The following LOC128462377 variants were observed in gnomAD, a reference collection of about 807,000 sequenced individuals.
chr16:89,357,074 C>T, the LOC128462377 span, among the ~76,000 whole-genome samples: 1 of 152,192 alleles, frequency 6.6e-6, no homozygotes, highest in Non-Finnish European at 1.5e-5. Flanking sequence ...ACAGAATAGC[C>T]AAAGGGCAGT....
chr16:89,411,666 A>T, the LOC128462377 span, among the ~76,000 whole-genome samples: 1 of 152,142 alleles, frequency 6.6e-6, no homozygotes, highest in Non-Finnish European at 1.5e-5. Flanking sequence ...CTCCCACCTC[A>T]GCCTCCCAGA....
At chr16:89,326,405 C>T in the LOC128462377 span, among the ~76,000 whole-genome samples, 1 of 150,596 alleles carries the variant, frequency 6.6e-6, no homozygotes, top group African/African-American at 2.4e-5. Context: ...GCAGAAGGTG[C>T]ACACCACTCA....
At chr16:89,325,677 G>A in the LOC128462377 span, among the ~76,000 whole-genome samples, 3 of 152,216 alleles carry the variant, frequency 2.0e-5, no homozygotes, top group Non-Finnish European at 4.4e-5. Context: ...CTGCGGAGGC[G>A]TTTGCTTTGT....
the LOC128462377 span, among the ~76,000 whole-genome samples, chr16:89,394,613 A>T: frequency 1.4e-5 from 2 of 147,530 alleles, no homozygotes; most frequent in Admixed American, 1.4e-4. Context: ...GGGCGACAAA[A>T]GCAAAACTCT....
chr16:89,388,932 A>T, the LOC128462377 span, among the ~76,000 whole-genome samples: 3 of 152,284 alleles, frequency 2.0e-5, no homozygotes. Flanking sequence ...TGGATCCCAG[A>T]ACAAAGCCCA....
the LOC128462377 span, among the ~76,000 whole-genome samples, chr16:89,359,268 G>A: frequency 4.6e-5 from 7 of 152,182 alleles, no homozygotes; most frequent in African/African-American, 1.4e-4. Context: ...CAAACTGCTT[G>A]AGTATGCTTC....
the LOC128462377 span, among the ~76,000 whole-genome samples, chr16:89,356,651 G>A: frequency 1.3e-5 from 2 of 151,232 alleles, no homozygotes; most frequent in African/African-American, 4.9e-5. Context: ...CGTGGTGGTG[G>A]GTGCCTGTAG....
the LOC128462377 span, among the ~76,000 whole-genome samples, chr16:89,369,647 G>T: frequency 1.3e-5 from 2 of 152,172 alleles, no homozygotes; most frequent in Non-Finnish European, 2.9e-5. Context: ...AACCAGGGGG[G>T]TCCTTGTGGT....
At chr16:89,388,293 A>ATTTTTTTGTTTTTTTTTT in the LOC128462377 span, among the ~76,000 whole-genome samples, 1 of 85,266 alleles carries the variant, frequency 1.2e-5, no homozygotes, top group Non-Finnish European at 2.3e-5. Flanking sequence ...CATGAGGCTG[A>ATTTTTTTGTTTTTTTTTT]TTTTTTTTTT....
the LOC128462377 span, among the ~76,000 whole-genome samples, chr16:89,380,127 T>A: frequency 6.6e-6 from 1 of 152,164 alleles, no homozygotes; most frequent in Non-Finnish European, 1.5e-5. Context: ...GTTTTTTTCT[T>A]TTTGAGACAG....
chr16:89,329,414 A>G, the LOC128462377 span, among the ~76,000 whole-genome samples: 2 of 152,240 alleles, frequency 1.3e-5, no homozygotes, highest in Non-Finnish European at 2.9e-5. Context: ...AAAAGGGAGA[A>G]AAAACACAAG....
chr16:89,404,685 C>T, the LOC128462377 span, among the ~76,000 whole-genome samples: 1 of 152,234 alleles, frequency 6.6e-6, no homozygotes, highest in African/African-American at 2.4e-5. Context: ...CACAAAGTGG[C>T]ATGTTCAACC....
chr16:89,332,838 C>A, the LOC128462377 span, among the ~76,000 whole-genome samples: 5 of 152,242 alleles, frequency 3.3e-5, no homozygotes, highest in Admixed American at 3.3e-4. Flanking sequence ...TAGAAACGTC[C>A]ATTTCTTTCC....
the LOC128462377 span, among the ~76,000 whole-genome samples, chr16:89,375,346 C>G: frequency 1.3e-5 from 2 of 152,222 alleles, no homozygotes; most frequent in South Asian, 2.1e-4. Context: ...CCCAGCTACT[C>G]AGAAGGCTGA....
the LOC128462377 span, among the ~76,000 whole-genome samples, chr16:89,398,448 C>G: frequency 5.3e-5 from 7 of 131,152 alleles, 1 homozygote; most frequent in African/African-American, 2.4e-4. Flanking sequence ...TGTGAAACAG[C>G]TGAAGATTAC....
chr16:89,363,178 AT>A, the LOC128462377 span, among the ~76,000 whole-genome samples: 14 of 152,238 alleles, frequency 9.2e-5, no homozygotes, highest in African/African-American at 2.7e-4. Flanking sequence ...GTTAAAAAAA[AT>A]ATACGATGTT....
chr16:89,415,529 G>A, the LOC128462377 span, among the ~76,000 whole-genome samples: 1 of 151,772 alleles, frequency 6.6e-6, no homozygotes, highest in African/African-American at 2.4e-5. Context: ...CTCCCAAAGT[G>A]CTGGGATTAC....
At chr16:89,406,554 C>T in the LOC128462377 span, among the ~76,000 whole-genome samples, 2 of 152,254 alleles carry the variant, frequency 1.3e-5, no homozygotes, top group Admixed American at 6.5e-5. Context: ...GAGGCTGCAG[C>T]GAGGAAGACA....
chr16:89,412,932 A>C, the LOC128462377 span, among the ~76,000 whole-genome samples: 1 of 152,196 alleles, frequency 6.6e-6, no homozygotes. Flanking sequence ...AGGTCCCAGC[A>C]CTCAGAGCCG....
Sources: gnomAD v4.1 joint callset for allele counts (sites outside exome capture counted in the v4.1 genomes callset) on GRCh38, gnomAD v4.1.1 for gene constraint, MANE v1.5 for transcripts.